Variants in LRRC4C observed in about 807,000 individuals in gnomAD.
LRRC4C encodes leucine rich repeat containing 4C, also known as leucine-rich repeat-containing protein 4C.
LRRC4C carries 5 observed loss-of-function variants against 33.6 expected under a neutral mutation model. The ratio of observed to expected loss-of-function variants is 0.15; its 90% CI spans 0.08 to 0.31. The LOEUF is 0.31. Among genes scored for constraint, LRRC4C ranks in the 10% least tolerant of loss-of-function variants. The pLI, the probability that LRRC4C is intolerant of heterozygous loss-of-function variation, is 1.00. For missense variants in LRRC4C, 560 were observed against 796.7 expected (o/e 0.70, Z 3.58); for synonymous variants, 329 against 302.0 (o/e 1.09, Z -0.93).
At chr11:40,804,914 C>A (rs568584566) in intron 2 of LRRC4C, among the ~76,000 whole-genome samples, 1 of 152,114 alleles carries the variant, frequency 6.6e-6, no homozygotes, top group South Asian at 2.1e-4. Context: ...TTGGATGGGG[C>A]TGGGTTTTTT....
At chr11:40,176,667 A>G (rs1300350626) in intron 5 of LRRC4C, among the ~76,000 whole-genome samples, 15 of 151,684 alleles carry the variant, frequency 9.9e-5, no homozygotes, top group Admixed American at 9.2e-4. Flanking sequence ...CAGCCTCTTC[A>G]GTAGCTGGTA....
At chr11:40,141,054 A>AT (rs1341850201) in intron 5 of LRRC4C, among the ~76,000 whole-genome samples, 2 of 152,200 alleles carry the variant, frequency 1.3e-5, no homozygotes, top group East Asian at 1.9e-4. Flanking sequence ...TGAACAATGC[A>AT]TTTTTTAATG....
At chr11:40,611,769 C>T (rs903872811) in intron 3 of LRRC4C, among the ~76,000 whole-genome samples, 6 of 151,738 alleles carry the variant, frequency 4.0e-5, no homozygotes, top group South Asian at 4.2e-4. Flanking sequence ...AATAGATGCT[C>T]GACATCATTA....
At chr11:41,435,157 T>C (rs1955382748) in intron 1 of LRRC4C, among the ~76,000 whole-genome samples, 1 of 152,076 alleles carries the variant, frequency 6.6e-6, no homozygotes, top group African/African-American at 2.4e-5. Context: ...ACAATCACAA[T>C]CACTAAGAGT....
chr11:40,270,107 G>A (rs569409746), intron 4 of LRRC4C, among the ~76,000 whole-genome samples: 2 of 152,112 alleles, frequency 1.3e-5, no homozygotes, highest in Non-Finnish European at 2.9e-5. Flanking sequence ...GTGGAGATAA[G>A]GGGAGAATGT....
chr11:40,962,147 A>G (rs1317605263), intron 1 of LRRC4C, among the ~76,000 whole-genome samples: 1 of 151,600 alleles, frequency 6.6e-6, no homozygotes, highest in Non-Finnish European at 1.5e-5. Context: ...TAAGATAACA[A>G]GGGCACCCGC....
At chr11:40,972,243 T>G (rs1851777581) in intron 1 of LRRC4C, among the ~76,000 whole-genome samples, 2 of 152,056 alleles carry the variant, frequency 1.3e-5, no homozygotes, top group Admixed American at 6.6e-5. Context: ...TTCATGCAAT[T>G]CTCATACCTC....
At chr11:40,951,089 C>T (rs983938187) in intron 1 of LRRC4C, among the ~76,000 whole-genome samples, 1 of 151,850 alleles carries the variant, frequency 6.6e-6, no homozygotes, top group Non-Finnish European at 1.5e-5. Context: ...GGAAATAATG[C>T]AGCACCATTC....
intron 1 of LRRC4C, among the ~76,000 whole-genome samples, chr11:41,055,286 C>T (rs355260): frequency 0.32 from 48,516 of 151,960 alleles, 8,012 homozygotes; most frequent in Admixed American, 0.38. Flanking sequence ...CTATATTATG[C>T]CATTGTTTAA....
rs574495408 is a variant in LRRC4C at position 40,984,674 on chromosome 11, G to A, written c.-495-50951C>T. On this transcript the variant is annotated intron_variant, in intron 1 of 6. Transcript: ENST00000528697. ...TTACAATATTGCTACAATTTTATACGTTTAGTTAGAAGGACTAGATGAAGA... is the reference window on the plus strand; with the variant it reads ...TTACAATATTGCTACAATTTTATACATTTAGTTAGAAGGACTAGATGAAGA... Among the ~76,000 whole-genome samples the A allele has an allele frequency of 1.3e-4, 20 of 152,004 alleles. No homozygotes were observed. In the South Asian group the frequency reaches 3.7e-3, roughly 28 times the overall value.
chr11:40,785,175 G>A (rs1223516936), intron 2 of LRRC4C, among the ~76,000 whole-genome samples: 1 of 152,110 alleles, frequency 6.6e-6, no homozygotes, highest in Non-Finnish European at 1.5e-5. Flanking sequence ...GATAAGAGAT[G>A]ATGCCGAGGA....
At chr11:40,229,746 T>C (rs1865069206) in intron 5 of LRRC4C, among the ~76,000 whole-genome samples, 2 of 152,214 alleles carry the variant, frequency 1.3e-5, no homozygotes, top group Non-Finnish European at 1.5e-5. Flanking sequence ...GCTCACTGAT[T>C]TATTTTCTTT....
At chr11:40,378,880 G>A (rs928189055) in intron 3 of LRRC4C, among the ~76,000 whole-genome samples, 10 of 152,104 alleles carry the variant, frequency 6.6e-5, no homozygotes, top group African/African-American at 2.4e-4. Flanking sequence ...CATATATGGA[G>A]TTAGAAGTAA....
intron 3 of LRRC4C, among the ~76,000 whole-genome samples, chr11:40,332,731 A>G (rs1030619454): frequency 3.3e-5 from 5 of 152,152 alleles, no homozygotes; most frequent in African/African-American, 1.2e-4. Context: ...CTTTTACATA[A>G]TTGTTCATGG....
chr11:41,408,244 A>G (rs1273766158), intron 1 of LRRC4C, among the ~76,000 whole-genome samples: 3 of 152,200 alleles, frequency 2.0e-5, no homozygotes, highest in Non-Finnish European at 4.4e-5. Context: ...GATTAGAATA[A>G]TGAGAGGATT....
intron 1 of LRRC4C, among the ~76,000 whole-genome samples, chr11:41,152,335 A>G (rs898474359): frequency 6.6e-6 from 1 of 152,200 alleles, no homozygotes; most frequent in Non-Finnish European, 1.5e-5. Flanking sequence ...AATTAAACCC[A>G]GGCTTATATA....
At chr11:40,415,070 T>C (rs543217382) in intron 3 of LRRC4C, among the ~76,000 whole-genome samples, 4 of 152,340 alleles carry the variant, frequency 2.6e-5, no homozygotes, top group African/African-American at 9.6e-5. Flanking sequence ...TGTTGCTTCA[T>C]ATACTCAAAG....
chr11:40,270,302 C>A (rs750836528), intron 4 of LRRC4C, among the ~76,000 whole-genome samples: 10 of 152,060 alleles, frequency 6.6e-5, no homozygotes, highest in African/African-American at 9.7e-5. Context: ...AAGGTGTCGG[C>A]AGGTTTGTTT....
intron 1 of LRRC4C, among the ~76,000 whole-genome samples, chr11:41,175,186 G>C (rs992977770): frequency 1.3e-5 from 2 of 151,996 alleles, no homozygotes; most frequent in Non-Finnish European, 2.9e-5. Flanking sequence ...CTCTCAGTTA[G>C]ATTCCTCCAG....
Sources: gnomAD v4.1 joint callset for allele counts (sites outside exome capture counted in the v4.1 genomes callset) on GRCh38, gnomAD v4.1.1 for gene constraint, MANE v1.5 for transcripts, NCBI Gene and HGNC (gene_info 2026-07-23, HGNC 2026-07-21) for gene names.